The following AGRN variants were observed in gnomAD, a reference collection of about 807,000 sequenced individuals.
AGRN encodes the protein agrin proteoglycan.
AGRN carries 106 observed loss-of-function variants against 211.0 expected under a neutral mutation model. That is an observed-to-expected ratio of 0.50 (90% CI 0.43 to 0.59). AGRN has a LOEUF of 0.59. Among genes scored for constraint, AGRN ranks in the 20% least tolerant of loss-of-function variants. AGRN has a pLI of 0.00. For missense variants in AGRN, 3,040 were observed against 2,982.6 expected (o/e 1.02, Z -0.45); for synonymous variants, 1,525 against 1,332.5 (o/e 1.14, Z -3.15).
At chr1:1,053,667 G>A (rs1025667644) in intron 33 of AGRN, 86 bp from the exon 34 acceptor site, 69 of 1,506,530 alleles carry the variant, frequency 4.6e-5, no homozygotes, top group Admixed American at 2.0e-4. Flanking sequence ...TGTGGCCTCC[G>A]CAGCTGGGGC....
chr1:1,048,884 C>A lies in AGRN; in HGVS notation c.4123C>A (p.Pro1375Thr). Residue 1375 changes from proline (P) to threonine (T), a missense_variant, in exon 24 of 36, where the codon CCG becomes ACG. This residue lies in a region of AGRN where 1,537 missense variants were observed against 1,505.0 expected (regional missense o/e 1.02). Coordinates refer to ENST00000379370, the MANE Select transcript of AGRN (RefSeq NM_198576.4). This position sits in a 1 kb window ranked among gnomAD's most constrained non-coding sequence, Gnocchi z 5.9. ...VCEKVLGAPV[P>T]AFEGRSFLAF... Reference sequence around the variant, plus strand: ...CTTTGCAGTGCTTGGCGCCCCTGTGCCGGCCTTCGAGGGCCGCTCCTTCCT... The same window carrying A: ...CTTTGCAGTGCTTGGCGCCCCTGTGACGGCCTTCGAGGGCCGCTCCTTCCT... The A allele has an allele frequency of 6.5e-7, 1 of 1,541,210 alleles. No individual in the cohort carries two copies. Among genetic ancestry groups the A allele is most frequent in the Non-Finnish European group, 8.7e-7 (1 of 1,143,004 alleles).
intron 33 of AGRN, chr1:1,053,378 T>G: frequency 8.2e-7 from 1 of 1,213,280 alleles, no homozygotes; most frequent in Non-Finnish European, 1.1e-6. Flanking sequence ...TGCCTGCTCC[T>G]TGCACCCCAC....
rs1645415256 is a variant in AGRN at position 1,054,967 on chromosome 1, T to C, written c.6124T>C (p.Cys2042Arg). ...DAVTKPELRP[C>R]PTP Reference sequence around the variant, plus strand: ...CGTCACCAAGCCAGAGCTGCGGCCCTGCCCCACCCCATGAGCTGGCACCAG... The same window carrying C: ...CGTCACCAAGCCAGAGCTGCGGCCCCGCCCCACCCCATGAGCTGGCACCAG... The change falls in exon 36 of 36, where the codon TGC (cysteine) becomes CGC (arginine). Residue 2042 changes from cysteine (C) to arginine (R), a missense_variant. Physicochemically the swap from Cys to Arg is radical, Grantham distance 180. This residue lies in a region of AGRN where 1,537 missense variants were observed against 1,505.0 expected (regional missense o/e 1.02). Coordinates refer to ENST00000379370, the MANE Select transcript of AGRN (RefSeq NM_198576.4). 7.7e-6 allele frequency: 12 copies of C among 1,548,732 alleles called. No homozygotes were observed. The highest frequency in any genetic ancestry group is 1.0e-5 in the Non-Finnish European group (12 of 1,147,076).
intron 2 of AGRN, among the ~76,000 whole-genome samples, chr1:1,024,344 C>T (rs982167602): frequency 4.6e-5 from 7 of 152,028 alleles, no homozygotes; most frequent in Non-Finnish European, 1.0e-4. Flanking sequence ...ATCTCCTGCT[C>T]TGTAGGAGAT....
Position 1,051,700 on chromosome 1 carries a change from G to A in AGRN, c.5564-28G>A. 1.9e-6 allele frequency: 3 copies of A among 1,613,278 alleles called. No homozygotes were observed. In the South Asian group the frequency reaches 3.3e-5, roughly 18 times the overall value. ...GCCGGATGGGCCCGGAGCCCACGAG[G>A]CCCCACCCTCACCTGCCTATCTCAC... is the stretch of plus-strand genomic sequence containing the variant. On this transcript the variant is annotated intron_variant, in intron 32 of 35. Transcript: ENST00000379370.
rs1314831607 is a variant in AGRN, at chr1:1,048,901, C to T, written c.4140C>T (p.Arg1380=). ...CCCCTGTGCCGGCCTTCGAGGGCCGCTCCTTCCTGGCCTTCCCCACTCTCC... is the reference window on the plus strand; with the variant it reads ...CCCCTGTGCCGGCCTTCGAGGGCCGTTCCTTCCTGGCCTTCCCCACTCTCC... ...LGAPVPAFEG[R]SFLAFPTLRA... The change falls in exon 24 of 36, where the codon CGC becomes CGT. Residue 1380 remains arginine (R), a synonymous_variant. Coordinates refer to ENST00000379370, the MANE Select transcript of AGRN (RefSeq NM_198576.4). The surrounding 1 kb of genome is among the most constrained non-coding windows in gnomAD (Gnocchi z 5.9). 1 of 1,550,788 alleles carries T rather than the reference C, an allele frequency of 6.4e-7. No homozygotes were observed. The highest frequency in any genetic ancestry group is 1.9e-5 in the Admixed American group (1 of 52,732).
In AGRN at chr1:1,048,052, C is replaced by A. The variant is rs761654244; in HGVS notation, c.3792C>A (p.Ala1264=). The stretch of plus-strand genomic sequence containing the variant: ...TTATCACGGGGGCCACGTCAGGAGC[C>A]ATTGCTGCGGGAGCCACGGCCAGAG... ...PAFITGATSG[A]IAAGATARAT... is the part of the protein sequence containing the mutation. The change falls in exon 23 of 36, where the codon GCC becomes GCA. Residue 1264 remains alanine (A), a synonymous_variant. Coordinates refer to ENST00000379370, the MANE Select transcript of AGRN (RefSeq NM_198576.4). The surrounding 1 kb of genome is among the most constrained non-coding windows in gnomAD (Gnocchi z 5.9). 1.3e-6 allele frequency: 2 copies of A among 1,586,172 alleles called. No individual in the cohort carries two copies. The highest frequency in any genetic ancestry group is 1.7e-6 in the Non-Finnish European group (2 of 1,172,560).
chr1:1,037,979 G>C (rs945955666), intron 3 of AGRN, among the ~76,000 whole-genome samples: 1 of 152,180 alleles, frequency 6.6e-6, no homozygotes, highest in Non-Finnish European at 1.5e-5. Context: ...TGGTGGGAGC[G>C]GCCCCTCACC....
chr1:1,047,386 T>C lies in AGRN; in HGVS notation c.3448T>C (p.Tyr1150His). The C allele has an allele frequency of 6.2e-7, 1 of 1,612,468 alleles. No homozygotes were observed. Among genetic ancestry groups the C allele is most frequent in the Non-Finnish European group, 8.5e-7 (1 of 1,179,644 alleles). The change falls in exon 20 of 36, where the codon TAC (tyrosine) becomes CAC (histidine). Residue 1150 changes from tyrosine to histidine, a missense_variant. Tyr to His is a moderately conservative substitution (Grantham distance 83, BLOSUM62 2). Around this residue, in one of 3 missense-constraint regions of AGRN, gnomAD observed 1,537 missense variants for 1,505.0 expected, o/e 1.02. Coordinates refer to ENST00000379370, the MANE Select transcript of AGRN (RefSeq NM_198576.4). ...GGGCGTCGAGGGCCAGGAGCTGTTCTACACGCCCGAGATGGCTGACCCCAA... is the reference window on the plus strand; with the variant it reads ...GGGCGTCGAGGGCCAGGAGCTGTTCCACACGCCCGAGATGGCTGACCCCAA... ...LEGVEGQELF[Y>H]TPEMADPKSE...
chr1:1,046,742 A>G lies in AGRN; in HGVS notation c.3250+7A>G. ...AGTGGGGGTGGCTCTGGGGGTGAGC[A>G]GGGATCAAGGACTTGGGGTGGGTGG... On this transcript the variant is annotated splice_region_variant and intron_variant, in intron 18 of 35. Coordinates refer to ENST00000379370, the MANE Select transcript of AGRN (RefSeq NM_198576.4). 6.4e-7 allele frequency: 1 copy of G among 1,574,134 alleles called. No homozygotes were observed. Among genetic ancestry groups the G allele is most frequent in the Non-Finnish European group, 8.6e-7 (1 of 1,165,168 alleles).
intron 1 of AGRN, among the ~76,000 whole-genome samples, chr1:1,021,886 A>G (rs1644414403): frequency 6.6e-6 from 1 of 152,208 alleles, no homozygotes; most frequent in African/African-American, 2.4e-5. Flanking sequence ...AGGCACCCCA[A>G]GCCAGGTGGG....
At chr1:1,054,200 G>A (rs903140145) in intron 34 of AGRN, among the ~76,000 whole-genome samples, 9 of 152,344 alleles carry the variant, frequency 5.9e-5, no homozygotes, top group Non-Finnish European at 1.0e-4. Flanking sequence ...GGAGCCTGCC[G>A]GGGGTCGCTC....
Position 1,022,372 on chromosome 1 carries a change from T to TG in AGRN, c.375dup (p.Pro126AlafsTer31). On this transcript the variant is annotated frameshift_variant, in exon 2 of 36. Transcript: ENST00000379370. LOFTEE classifies it high-confidence loss of function. ...TGTGAACCCTGCACCCCCATACCTG[T>TG]GGCCAGCCCACAAGAACGAGCTGAT... is the stretch of plus-strand genomic sequence containing the variant. 1 of 1,613,302 alleles carries TG rather than the reference T, an allele frequency of 6.2e-7. No homozygotes were observed. Among genetic ancestry groups the TG allele is most frequent in the Non-Finnish European group, 8.5e-7 (1 of 1,179,988 alleles).
chr1:1,046,086 A>G lies in AGRN; in HGVS notation c.2803A>G (p.Lys935Glu), dbSNP rs1490043974. 1.9e-6 allele frequency: 3 copies of G among 1,613,962 alleles called. No homozygotes were observed. Among genetic ancestry groups the G allele is most frequent in the Non-Finnish European group, 2.5e-6 (3 of 1,179,978 alleles). Residue 935 changes from lysine (K) to glutamate (E), a missense_variant and splice_region_variant, in exon 16 of 36, where the codon AAG becomes GAG. Lys to Glu is a moderately conservative substitution (Grantham distance 56, BLOSUM62 1). Coordinates refer to ENST00000379370, the MANE Select transcript of AGRN (RefSeq NM_198576.4). The stretch of plus-strand genomic sequence containing the variant: ...CACCTGTCCAGAGGCCAACGCTACC[A>G]AGGTGAGGGGTGTGGGATGTGAAGG... ...MLTCPEANATKVCGSDGVTYG... is the reference protein window; with the variant it reads ...MLTCPEANATEVCGSDGVTYG...
chr1:1,035,377 T>C, intron 3 of AGRN, 53 bp downstream of exon 3: 2 of 1,601,960 alleles, frequency 1.2e-6, no homozygotes, highest in Non-Finnish European at 1.7e-6. Context: ...CTCTTGGGAG[T>C]CAGGGGCCAT....
In AGRN at chr1:1,049,344, G is replaced by A. The variant is rs1292243937; in HGVS notation, c.4407G>A (p.Ser1469=). 1.4e-5 allele frequency: 22 copies of A among 1,598,176 alleles called. No individual in the cohort carries two copies. Among genetic ancestry groups the A allele is most frequent in the East Asian group, 6.7e-5 (3 of 44,854 alleles). The change falls in exon 25 of 36, where the codon TCG becomes TCA. Residue 1469 remains serine, a synonymous_variant. Transcript: ENST00000379370. ...LSRHWRRGTL[S]VDGETPVLGE... ...GGCACTGGCGCCGGGGCACCCTCTC[G>A]GTGGATGGTGAGACCCCTGTTCTGG...
chr1:1,048,937 C>T lies in AGRN; in HGVS notation c.4176C>T (p.His1392=), dbSNP rs1381590844. The change falls in exon 24 of 36, where the codon CAC becomes CAT. Residue 1392 remains histidine (H), a synonymous_variant. Coordinates refer to ENST00000379370, the MANE Select transcript of AGRN (RefSeq NM_198576.4). This position sits in a 1 kb window ranked among gnomAD's most constrained non-coding sequence, Gnocchi z 5.9. ...CCTTCCCCACTCTCCGCGCCTACCA[C>T]ACGCTGCGCCTGGCACTGGAATTCC... ...FLAFPTLRAY[H]TLRLALEFRA... 6.4e-7 allele frequency: 1 copy of T among 1,564,990 alleles called. No individual in the cohort carries two copies. Among genetic ancestry groups the T allele is most frequent in the Non-Finnish European group, 8.6e-7 (1 of 1,156,190 alleles).
intron 30 of AGRN, 54 bp downstream of exon 30, chr1:1,050,891 G>A (rs1026162317): frequency 2.5e-5 from 38 of 1,520,730 alleles, no homozygotes; most frequent in Admixed American, 6.0e-5. Context: ...CTTCCTCCTC[G>A]GGCGGCAGCC....
At chr1:1,027,248 G>A (rs1192881123) in intron 2 of AGRN, among the ~76,000 whole-genome samples, 2 of 152,246 alleles carry the variant, frequency 1.3e-5, no homozygotes, top group Non-Finnish European at 2.9e-5. Context: ...GTTTGTGTGT[G>A]TGTGTACACG....
Sources: gnomAD v4.1 joint callset for allele counts (sites outside exome capture counted in the v4.1 genomes callset) on GRCh38, gnomAD v4.1.1 for gene constraint, gnomAD v4.1.1 regional missense constraint, Gnocchi (gnomAD v3.1) non-coding constraint, MANE v1.5 for transcripts, NCBI Gene and HGNC (gene_info 2026-07-23, HGNC 2026-07-21) for gene names.